MCU: variants seen among roughly 807,000 people sequenced by gnomAD.
MCU encodes calcium uniporter protein, mitochondrial.
MCU carries 12 observed loss-of-function variants against 45.2 expected under a neutral mutation model. The observed-to-expected ratio is 0.27, with a 90% CI of 0.17 to 0.43. The LOEUF (loss-of-function observed/expected upper bound fraction) is 0.43. MCU is among the 20% of genes least tolerant of loss of function. The pLI is 1.00. For missense variants in MCU, 324 were observed against 436.7 expected (o/e 0.74, Z 2.30); for synonymous variants, 160 against 165.1 (o/e 0.97, Z 0.24).
chr10:72,870,355 T>C (rs890974148), intron 5 of MCU, among the ~76,000 whole-genome samples: 7 of 152,224 alleles, frequency 4.6e-5, no homozygotes, highest in Admixed American at 4.6e-4. Flanking sequence ...CTCGGCTCAC[T>C]GCAGGCTCCA....
At chr10:72,786,093 C>T (rs1325242783) in intron 1 of MCU, among the ~76,000 whole-genome samples, 1 of 151,964 alleles carries the variant, frequency 6.6e-6, no homozygotes, top group African/African-American at 2.4e-5. Context: ...CATAAAGGAA[C>T]GATTTGCTGT....
At chr10:72,849,948 T>C (rs925116476) in intron 2 of MCU, among the ~76,000 whole-genome samples, 4 of 151,744 alleles carry the variant, frequency 2.6e-5, no homozygotes, top group African/African-American at 4.8e-5. Context: ...AATTTTGCTC[T>C]TGTTGCCCAG....
chr10:72,712,998 G>GC (rs1842913782), intron 1 of MCU, among the ~76,000 whole-genome samples: 1 of 152,164 alleles, frequency 6.6e-6, no homozygotes, highest in East Asian at 1.9e-4. Flanking sequence ...GCTACGGCAA[G>GC]CAAACACAAG....
chr10:72,708,371 G>A (rs969132312), intron 1 of MCU: 5 of 152,214 alleles, frequency 3.3e-5, no homozygotes, highest in Non-Finnish European at 5.9e-5. Context: ...GAGTATTGAA[G>A]TAAGATGGGA....
intron 1 of MCU, among the ~76,000 whole-genome samples, chr10:72,727,532 A>G (rs1843117290): frequency 6.6e-6 from 1 of 152,152 alleles, no homozygotes; most frequent in South Asian, 2.1e-4. Flanking sequence ...TACTCCAATC[A>G]AGTGTCATCG....
At chr10:72,860,318 T>C in intron 3 of MCU, 105 bp from the exon 4 acceptor site, 1 of 931,918 alleles carries the variant, frequency 1.1e-6, no homozygotes. Flanking sequence ...ACTGAAATTT[T>C]AAAAGGAAGA....
chr10:72,711,454 C>G (rs985356900), intron 1 of MCU, among the ~76,000 whole-genome samples: 7 of 151,092 alleles, frequency 4.6e-5, no homozygotes, highest in Non-Finnish European at 8.8e-5. Context: ...CTCCTGACCT[C>G]AAGTGATCTG....
intron 1 of MCU, among the ~76,000 whole-genome samples, chr10:72,830,039 G>A (rs1330663986): frequency 1.3e-5 from 2 of 152,152 alleles, no homozygotes; most frequent in Non-Finnish European, 2.9e-5. Context: ...CTATAAGCAA[G>A]GATCAACAAA....
At chr10:72,854,069 A>G (rs775652001) in intron 2 of MCU, among the ~76,000 whole-genome samples, 2 of 152,046 alleles carry the variant, frequency 1.3e-5, no homozygotes, top group African/African-American at 2.4e-5. Context: ...GGTGAAGGCT[A>G]CAGTGAGCCA....
At chr10:72,852,146 G>A (rs1040898083) in intron 2 of MCU, among the ~76,000 whole-genome samples, 31 of 152,078 alleles carry the variant, frequency 2.0e-4, no homozygotes, top group African/African-American at 6.0e-4. Context: ...TAATGACTTC[G>A]TCATCATTAC....
chr10:72,814,018 A>C lies in MCU; in HGVS notation c.151-20341A>C, dbSNP rs563790825. Among the ~76,000 whole-genome samples, 14 of 152,318 alleles carry C rather than the reference A, an allele frequency of 9.2e-5. No homozygotes were observed. In the South Asian group the frequency reaches 2.9e-3, roughly 32 times the overall value. On this transcript the variant is annotated intron_variant, in intron 1 of 7. Coordinates refer to ENST00000373053, the MANE Select transcript of MCU (RefSeq NM_138357.3). ...TAGACCCAAAGAATTTTAAACCTTA[A>C]AAATCCCCTAATCTAACCTTCTGAA...
chr10:72,720,807 AATG>A (rs1468577357), intron 1 of MCU, among the ~76,000 whole-genome samples: 2 of 152,184 alleles, frequency 1.3e-5, no homozygotes, highest in Non-Finnish European at 2.9e-5. Context: ...GATCAATTGA[AATG>A]ATAATAGAAC....
At chr10:72,759,225 G>A (rs1284956401) in intron 1 of MCU, among the ~76,000 whole-genome samples, 1 of 152,142 alleles carries the variant, frequency 6.6e-6, no homozygotes, top group Admixed American at 6.5e-5. Flanking sequence ...CCTTTTAAGG[G>A]CTCACAACTC....
intron 1 of MCU, among the ~76,000 whole-genome samples, chr10:72,792,190 T>G (rs1465410878): frequency 6.6e-6 from 1 of 152,202 alleles, no homozygotes; most frequent in Non-Finnish European, 1.5e-5. Flanking sequence ...AATCCTTACT[T>G]CCTTGGTAGC....
Position 72,853,697 on chromosome 10 carries a change from A to C in MCU, c.221-5480A>C, listed in dbSNP as rs549850671. 2.0e-5 allele frequency among the ~76,000 whole-genome samples: 3 copies of C among 152,294 alleles called. No homozygotes were observed. In the South Asian group the frequency reaches 6.2e-4, roughly 32 times the overall value. ...GCACATCACAGTCAAATTGTTGAAAACCAGTGATAAAAGGAAAATGTTGAA... is the reference window on the plus strand; with the variant it reads ...GCACATCACAGTCAAATTGTTGAAACCCAGTGATAAAAGGAAAATGTTGAA... On this transcript the variant is annotated intron_variant, in intron 2 of 7. Transcript: ENST00000373053.
chr10:72,712,785 C>G (rs1315046825), intron 1 of MCU, among the ~76,000 whole-genome samples: 2 of 152,184 alleles, frequency 1.3e-5, no homozygotes, highest in Non-Finnish European at 2.9e-5. Flanking sequence ...AAGACAATCT[C>G]TGATAAAATT....
intron 2 of MCU, among the ~76,000 whole-genome samples, chr10:72,848,826 G>GA (rs1454673579): frequency 6.6e-6 from 1 of 152,134 alleles, no homozygotes; most frequent in Admixed American, 6.6e-5. Flanking sequence ...GCTTCATTTG[G>GA]AAAAAGATCA....
intron 1 of MCU, among the ~76,000 whole-genome samples, chr10:72,752,366 G>C (rs1341504144): frequency 6.6e-6 from 1 of 152,086 alleles, no homozygotes; most frequent in Non-Finnish European, 1.5e-5. Context: ...AGTGTGCTGG[G>C]ATTACAGGCA....
At chr10:72,821,287 A>C (rs1392225150) in intron 1 of MCU, among the ~76,000 whole-genome samples, 1 of 151,602 alleles carries the variant, frequency 6.6e-6, no homozygotes, top group Non-Finnish European at 1.5e-5. Context: ...GAGGATCAAC[A>C]TTTTCTTAAT....
Sources: gnomAD v4.1 joint callset for allele counts (sites outside exome capture counted in the v4.1 genomes callset) on GRCh38, gnomAD v4.1.1 for gene constraint, MANE v1.5 for transcripts, NCBI Gene and HGNC (gene_info 2026-07-23, HGNC 2026-07-21) for gene names.